Variants in COX10 observed in about 807,000 individuals in gnomAD.
COX10 encodes the protein protoheme IX farnesyltransferase, mitochondrial.
COX10 carries 27 observed loss-of-function variants against 37.3 expected under a neutral mutation model. The observed-to-expected ratio is 0.72, with a 90% confidence interval of 0.53 to 1.00. COX10 has a LOEUF of 1.00. Ranked by LOEUF, COX10 falls within the 50% of genes least tolerant of loss-of-function variation. The pLI is 0.00. For synonymous variants in COX10, 222 were observed against 229.1 expected (o/e 0.97, Z 0.28); for missense variants, 475 against 563.2 (o/e 0.84, Z 1.59).
intron 4 of COX10, among the ~76,000 whole-genome samples, chr17:14,155,987 G>A (rs553475329): frequency 7.3e-4 from 111 of 152,188 alleles, no homozygotes; most frequent in African/African-American, 2.6e-3. Flanking sequence ...CATTAGCATG[G>A]CACGTGAGGC....
intron 4 of COX10, among the ~76,000 whole-genome samples, chr17:14,139,971 T>A (rs1904489400): frequency 6.6e-6 from 1 of 152,194 alleles, no homozygotes; most frequent in Admixed American, 6.5e-5. Context: ...CTGATAGGGC[T>A]TCTCTTGTAA....
At chr17:14,190,763 C>T (rs1906176112) in intron 5 of COX10, among the ~76,000 whole-genome samples, 1 of 152,102 alleles carries the variant, frequency 6.6e-6, no homozygotes, top group Admixed American at 6.5e-5. Context: ...AATTCTAACT[C>T]GTCATAATTC....
At chr17:14,137,630 A>G (rs1273490619) in intron 4 of COX10, among the ~76,000 whole-genome samples, 2 of 152,068 alleles carry the variant, frequency 1.3e-5, no homozygotes, top group African/African-American at 4.8e-5. Flanking sequence ...CATACACAAA[A>G]TTTTAAGAAT....
intron 1 of COX10, among the ~76,000 whole-genome samples, chr17:14,074,050 T>C (rs951389538): frequency 3.3e-5 from 5 of 152,198 alleles, no homozygotes; most frequent in African/African-American, 1.2e-4. Context: ...ATATGTAGCG[T>C]GGTCATTTCA....
At chr17:14,126,790 T>C (rs1005343439) in intron 4 of COX10, among the ~76,000 whole-genome samples, 11 of 152,136 alleles carry the variant, frequency 7.2e-5, no homozygotes, top group Non-Finnish European at 1.5e-4. Context: ...TTTAACTCTT[T>C]CAAGCTCCTG....
At chr17:14,072,848 C>T (rs955862146) in intron 1 of COX10, among the ~76,000 whole-genome samples, 3 of 152,110 alleles carry the variant, frequency 2.0e-5, no homozygotes, top group Non-Finnish European at 2.9e-5. Context: ...TATAAAAGTG[C>T]TCTGCTAGCT....
intron 3 of COX10, among the ~76,000 whole-genome samples, chr17:14,084,910 T>G (rs1464388053): frequency 1.3e-5 from 2 of 152,202 alleles, no homozygotes; most frequent in Non-Finnish European, 2.9e-5. Flanking sequence ...TCCACCTGCC[T>G]CAGCCTCCCA....
chr17:14,178,739 T>C (rs1849230874), intron 5 of COX10, among the ~76,000 whole-genome samples: 1 of 152,202 alleles, frequency 6.6e-6, no homozygotes, highest in Admixed American at 6.5e-5. Flanking sequence ...TTAAATGGAC[T>C]CATATCAAAA....
chr17:14,156,292 C>G (rs772495485), intron 4 of COX10, among the ~76,000 whole-genome samples: 1 of 152,146 alleles, frequency 6.6e-6, no homozygotes, highest in Non-Finnish European at 1.5e-5. Flanking sequence ...GTGGCACAAT[C>G]TCAGCTCACT....
intron 3 of COX10, among the ~76,000 whole-genome samples, chr17:14,094,943 C>G (rs1432004295): frequency 6.6e-6 from 1 of 152,060 alleles, no homozygotes; most frequent in Non-Finnish European, 1.5e-5. Context: ...CGACATTTAG[C>G]TTGGAGGGAC....
chr17:14,149,004 A>G (rs980648384), intron 4 of COX10, among the ~76,000 whole-genome samples: 1 of 148,272 alleles, frequency 6.7e-6, no homozygotes, highest in Non-Finnish European at 1.5e-5. Flanking sequence ...AGTCTATAAC[A>G]TATATAACAA....
At chr17:14,161,960 TG>T (rs1905178727) in intron 5 of COX10, among the ~76,000 whole-genome samples, 1 of 152,224 alleles carries the variant, frequency 6.6e-6, no homozygotes, top group South Asian at 2.1e-4. Context: ...TGTAGAACTC[TG>T]ACTAATACAG....
chr17:14,076,720 T>C lies in COX10; in HGVS notation c.178-15T>C. 1 of 1,613,968 alleles carries C rather than the reference T, an allele frequency of 6.2e-7. No individual in the cohort carries two copies. Among genetic ancestry groups the C allele is most frequent in the South Asian group, 1.1e-5 (1 of 91,084 alleles). ...GGGGCCTTGGTTTTATAGTAATGTG[T>C]GCTTTTTTGTTTAGTATGTCACACA... On this transcript the variant is annotated splice_polypyrimidine_tract_variant and intron_variant, in intron 2 of 6. Coordinates refer to ENST00000261643, the MANE Select transcript of COX10 (RefSeq NM_001303.4).
rs368749224 is a variant in COX10, at chr17:14,088,598, G to A, written c.499+11542G>A. On this transcript the variant is annotated intron_variant, in intron 3 of 6. Transcript: ENST00000261643. ...GGGAAGGTAAAGATAAATTTTGTAA[G>A]AATGATAATCACTCTCAAAATATAT... Among the ~76,000 whole-genome samples, 12 of 152,186 alleles carry A rather than the reference G, an allele frequency of 7.9e-5. No homozygotes were observed. The East Asian group carries it at 1.7e-3, about 22-fold the overall frequency.
In COX10 at chr17:14,207,297, G is replaced by T; in HGVS notation, c.*84G>T. ...ATTCTGGAACACAAGAAGAGAAATT[G>T]CTGGGTTTAGAACAAGATTATAAAC... On this transcript the variant is annotated 3_prime_UTR_variant, in exon 7 of 7. Coordinates refer to ENST00000261643, the MANE Select transcript of COX10 (RefSeq NM_001303.4). 1 of 1,443,142 alleles carries T rather than the reference G, an allele frequency of 6.9e-7. No individual in the cohort carries two copies. Among genetic ancestry groups the T allele is most frequent in the Non-Finnish European group, 9.1e-7 (1 of 1,099,724 alleles). 89.4% of individuals were successfully genotyped at this position (1,443,142 alleles called of 1,614,324 possible). A position where few individuals can be genotyped will look rare whatever the true frequency, so the allele number is the denominator to read the frequency against.
intron 4 of COX10, among the ~76,000 whole-genome samples, chr17:14,119,616 C>T (rs1244809738): frequency 6.6e-6 from 1 of 152,078 alleles, no homozygotes; most frequent in Non-Finnish European, 1.5e-5. Flanking sequence ...AGTGATGTTC[C>T]GGCTGAAATC....
chr17:14,192,074 G>C lies in COX10; in HGVS notation c.781G>C (p.Ala261Pro). Residue 261 changes from alanine (A) to proline (P), a missense_variant, in exon 6 of 7, where the codon GCC becomes CCC. Around this residue, in one of 5 missense-constraint regions of COX10, gnomAD observed 54 missense variants for 70.6 expected, o/e 0.76. Coordinates refer to ENST00000261643, the MANE Select transcript of COX10 (RefSeq NM_001303.4). ...CTTGGGGGTGAATCCACTCACAGGAGCCCTGGGGCTCTTCAACATTTTCCT... is the reference window on the plus strand; with the variant it reads ...CTTGGGGGTGAATCCACTCACAGGACCCCTGGGGCTCTTCAACATTTTCCT... ...LTLGVNPLTGALGLFNIFLYT... is the reference protein window; with the variant it reads ...LTLGVNPLTGPLGLFNIFLYT... 6.2e-7 allele frequency: 1 copy of C among 1,614,234 alleles called. No homozygotes were observed. Among genetic ancestry groups the C allele is most frequent in the Non-Finnish European group, 8.5e-7 (1 of 1,180,052 alleles).
At chr17:14,093,072 A>G (rs1915563302) in intron 3 of COX10, among the ~76,000 whole-genome samples, 1 of 152,198 alleles carries the variant, frequency 6.6e-6, no homozygotes, top group African/African-American at 2.4e-5. Flanking sequence ...CTTGGATTAC[A>G]GTGTTGCATA....
At chr17:14,134,366 A>G (rs1302352580) in intron 4 of COX10, among the ~76,000 whole-genome samples, 2 of 151,992 alleles carry the variant, frequency 1.3e-5, no homozygotes, top group East Asian at 1.9e-4. Context: ...TTTTTCAATC[A>G]TCAAGAAATC....
Sources: gnomAD v4.1 joint callset for allele counts (sites outside exome capture counted in the v4.1 genomes callset) on GRCh38, gnomAD v4.1.1 for gene constraint, gnomAD v4.1.1 regional missense constraint, MANE v1.5 for transcripts, NCBI Gene and HGNC (gene_info 2026-07-23, HGNC 2026-07-21) for gene names.